Variants in ERBB4 observed in about 807,000 individuals in gnomAD.
ERBB4 encodes erb-b2 receptor tyrosine kinase 4.
In ERBB4, 42 loss-of-function variants were observed where a neutral mutation model predicts 158.0. That is an observed-to-expected ratio of 0.27 (90% confidence interval 0.21 to 0.34). The LOEUF (loss-of-function observed/expected upper bound fraction) is 0.34. Ranked by LOEUF, ERBB4 falls within the 10% of genes least tolerant of loss-of-function variation. The pLI is 1.00. For missense variants in ERBB4, 1,333 were observed against 1,624.1 expected, an observed-to-expected ratio of 0.82 and a Z score of 3.08; for synonymous variants, 583 against 558.7, an observed-to-expected ratio of 1.04 and a Z score of -0.61.
intron 1 of ERBB4, among the ~76,000 whole-genome samples, chr2:212,484,028 G>A (rs992415393): frequency 2.0e-5 from 3 of 152,040 alleles, no homozygotes; most frequent in African/African-American, 7.3e-5. Context: ...GAGCCACCGC[G>A]CCTGACCTGT....
intron 2 of ERBB4, among the ~76,000 whole-genome samples, chr2:212,112,559 C>T (rs577953682): frequency 2.0e-5 from 3 of 151,902 alleles, no homozygotes; most frequent in South Asian, 2.1e-4. Flanking sequence ...AGACAAAGTC[C>T]AAGTGTGTGA....
chr2:211,600,428 GTGCCTACAAAGAGGGA>G (rs1391447435), intron 19 of ERBB4, among the ~76,000 whole-genome samples: 1 of 152,030 alleles, frequency 6.6e-6, no homozygotes, highest in Non-Finnish European at 1.5e-5. Flanking sequence ...AAAAAGCCAA[GTGCCTACAAAGAGGGA>G]TGCCAATAAT....
At chr2:212,322,825 C>T (rs908439355) in intron 1 of ERBB4, among the ~76,000 whole-genome samples, 5 of 150,194 alleles carry the variant, frequency 3.3e-5, no homozygotes, top group Non-Finnish European at 4.5e-5. Flanking sequence ...TGGAAGCATT[C>T]GGTACAAACA....
At chr2:212,118,306 T>C (rs892232030) in intron 2 of ERBB4, among the ~76,000 whole-genome samples, 3 of 152,196 alleles carry the variant, frequency 2.0e-5, no homozygotes, top group African/African-American at 7.2e-5. Context: ...TGAAACTCAT[T>C]GTCAAACATC....
Position 212,179,270 on chromosome 2 carries a change from CT to C in ERBB4, c.83-54368del, listed in dbSNP as rs891765905. Among the ~76,000 whole-genome samples, 36 of 150,698 alleles carry C rather than the reference CT, an allele frequency of 2.4e-4. 1 individual carries two copies. The highest frequency in any genetic ancestry group is 8.2e-4 in the African/African-American group (34 of 41,226). On this transcript the variant is annotated intron_variant, in intron 1 of 27. Coordinates refer to ENST00000342788, the MANE Select transcript of ERBB4 (RefSeq NM_005235.3). ...TGATGACTCTTCGAGGAGGACATTA[CT>C]TTTGTTATTTTCATTTTCTCATTTA...
intron 3 of ERBB4, among the ~76,000 whole-genome samples, chr2:211,907,925 T>C (rs941670761): frequency 6.6e-6 from 1 of 151,932 alleles, no homozygotes; most frequent in East Asian, 2.0e-4. Context: ...ATACAGCATG[T>C]TTTATCTTGC....
chr2:212,476,578 T>C (rs917590359), intron 1 of ERBB4, among the ~76,000 whole-genome samples: 3 of 152,132 alleles, frequency 2.0e-5, no homozygotes, highest in African/African-American at 7.2e-5. Flanking sequence ...TAAAAATTAT[T>C]AGGTAGTGTC....
intron 20 of ERBB4, among the ~76,000 whole-genome samples, chr2:211,538,603 T>G (rs962336474): frequency 1.3e-5 from 2 of 151,854 alleles, no homozygotes; most frequent in Admixed American, 6.6e-5. Context: ...GACACGGAAT[T>G]AAGTATAATG....
chr2:212,139,297 A>G (rs2080368479), intron 1 of ERBB4, among the ~76,000 whole-genome samples: 1 of 152,092 alleles, frequency 6.6e-6, no homozygotes, highest in Admixed American at 6.6e-5. Flanking sequence ...CAACACACAC[A>G]CACACGCACA....
intron 19 of ERBB4, among the ~76,000 whole-genome samples, chr2:211,563,494 T>C (rs1218772808): frequency 1.3e-5 from 2 of 152,196 alleles, no homozygotes; most frequent in African/African-American, 4.8e-5. Flanking sequence ...AAGAAGTGTA[T>C]GATGTTCAAA....
In ERBB4 at chr2:212,505,724, T is replaced by C. The variant is rs1046370545; in HGVS notation, c.82+32725A>G. ...ACCCCAAAGTCAGTGTTGCCTATAA[T>C]ACAATTAGGCAAGAAAAATTCATAC... On this transcript the variant is annotated intron_variant, in intron 1 of 27. Coordinates refer to ENST00000342788, the MANE Select transcript of ERBB4 (RefSeq NM_005235.3). 6.0e-5 allele frequency among the ~76,000 whole-genome samples: 9 copies of C among 148,878 alleles called. 1 individual carries two copies. Among genetic ancestry groups the C allele is most frequent in the Admixed American group, 2.7e-4 (4 of 14,976 alleles).
At chr2:211,704,458 A>G (rs1265576087) in intron 10 of ERBB4, among the ~76,000 whole-genome samples, 1 of 152,234 alleles carries the variant, frequency 6.6e-6, no homozygotes, top group East Asian at 1.9e-4. Flanking sequence ...AACTAGATAA[A>G]GAGAAAAATA....
chr2:212,259,038 C>T (rs2084840825), intron 1 of ERBB4, among the ~76,000 whole-genome samples: 1 of 152,038 alleles, frequency 6.6e-6, no homozygotes, highest in Admixed American at 6.5e-5. Context: ...ATTGGAGCAT[C>T]TAGGAGGTGG....
At chr2:211,760,729 A>T (rs886804518) in intron 4 of ERBB4, among the ~76,000 whole-genome samples, 13 of 152,220 alleles carry the variant, frequency 8.5e-5, no homozygotes. Context: ...ATGGAGGTGT[A>T]CACTATACTG....
At chr2:212,510,294 T>C (rs1691447025) in intron 1 of ERBB4, among the ~76,000 whole-genome samples, 1 of 149,958 alleles carries the variant, frequency 6.7e-6, no homozygotes, top group Non-Finnish European at 1.5e-5. Context: ...TATTGCACAA[T>C]ATAAATAAAA....
At chr2:211,572,455 C>T (rs1325028342) in intron 19 of ERBB4, among the ~76,000 whole-genome samples, 1 of 152,116 alleles carries the variant, frequency 6.6e-6, no homozygotes, top group East Asian at 1.9e-4. Context: ...TGAGACTGAC[C>T]CAAATGGATG....
intron 2 of ERBB4, among the ~76,000 whole-genome samples, chr2:212,036,435 C>T (rs891350938): frequency 1.3e-5 from 2 of 151,544 alleles, no homozygotes; most frequent in African/African-American, 4.9e-5. Context: ...TACCAGACGC[C>T]GTGGAACTAG....
intron 3 of ERBB4, among the ~76,000 whole-genome samples, chr2:211,924,928 T>C (rs1314637900): frequency 1.3e-5 from 2 of 152,102 alleles, no homozygotes; most frequent in Non-Finnish European, 2.9e-5. Context: ...AATCTTTGTA[T>C]GGATATTTTA....
chr2:211,986,287 T>C (rs1017636802), intron 2 of ERBB4, among the ~76,000 whole-genome samples: 1 of 152,178 alleles, frequency 6.6e-6, no homozygotes, highest in African/African-American at 2.4e-5. Context: ...AGCTACTCGA[T>C]TTGTGGCACT....
Sources: allele counts gnomAD v4.1 joint callset (sites outside exome capture counted in the v4.1 genomes callset), GRCh38; gene constraint gnomAD v4.1.1; transcripts MANE v1.5; gene names NCBI Gene and HGNC (gene_info 2026-07-23, HGNC 2026-07-21).